Variants in EYS observed in about 807,000 individuals in gnomAD.
EYS encodes protein eyes shut homolog.
In EYS, 250 loss-of-function variants were observed where a neutral mutation model predicts 282.1. The ratio of observed to expected loss-of-function variants is 0.89; its 90% CI spans 0.80 to 0.98. The LOEUF is 0.98. EYS is among the 50% of genes least tolerant of loss of function. The pLI, the probability that EYS is intolerant of heterozygous loss-of-function variation, is 0.00. For synonymous variants in EYS, 1,355 were observed against 1,282.9 expected (o/e 1.06, Z -1.20); for missense variants, 4,016 against 3,709.0 (o/e 1.08, Z -2.15).
intron 11 of EYS, among the ~76,000 whole-genome samples, chr6:65,333,835 A>AT (rs1468548697): frequency 1.3e-5 from 2 of 150,734 alleles, no homozygotes; most frequent in Non-Finnish European, 3.0e-5. Flanking sequence ...TAACTGTTTC[A>AT]TTTTTTCTCT....
intron 32 of EYS, among the ~76,000 whole-genome samples, chr6:64,067,245 G>A (rs1771405811): frequency 6.6e-6 from 1 of 152,088 alleles, no homozygotes; most frequent in Admixed American, 6.6e-5. Context: ...CCTAATTGAA[G>A]TATAACTTGT....
chr6:65,491,621 T>C (rs1323514984), intron 4 of EYS: 2 of 405,090 alleles, frequency 4.9e-6, no homozygotes, highest in Admixed American at 3.0e-5. Flanking sequence ...ATAATGAAAA[T>C]ATAAATAAAA....
At chr6:65,360,798 G>T (rs1054881882) in intron 8 of EYS, among the ~76,000 whole-genome samples, 2 of 152,120 alleles carry the variant, frequency 1.3e-5, no homozygotes, top group Non-Finnish European at 2.9e-5. Flanking sequence ...ATCCCATTTA[G>T]TGTAGTCACT....
At chr6:65,379,077 C>T (rs1269226228) in intron 8 of EYS, among the ~76,000 whole-genome samples, 4 of 151,024 alleles carry the variant, frequency 2.6e-5, no homozygotes, top group African/African-American at 9.7e-5. Flanking sequence ...TAAAATAAAA[C>T]AGAAAAAAAA....
At chr6:65,590,888 A>C (rs544344760) in intron 2 of EYS, among the ~76,000 whole-genome samples, 1 of 151,626 alleles carries the variant, frequency 6.6e-6, no homozygotes, top group African/African-American at 2.4e-5. Context: ...CAGTTGATGG[A>C]CACTTAGATT....
At chr6:64,872,298 AT>A (rs1215466725) in intron 19 of EYS, among the ~76,000 whole-genome samples, 1 of 152,084 alleles carries the variant, frequency 6.6e-6, no homozygotes, top group East Asian at 1.9e-4. Flanking sequence ...TAACTTATAA[AT>A]ATTATCTCAC....
chr6:65,616,033 G>T (rs566653802), intron 2 of EYS, among the ~76,000 whole-genome samples: 4 of 151,764 alleles, frequency 2.6e-5, no homozygotes, highest in South Asian at 2.1e-4. Flanking sequence ...TCAAGAGTTA[G>T]AAGAACATGT....
intron 12 of EYS, among the ~76,000 whole-genome samples, chr6:65,213,574 T>G (rs1766229722): frequency 6.6e-6 from 1 of 152,176 alleles, no homozygotes; most frequent in African/African-American, 2.4e-5. Flanking sequence ...TGATGCTCTG[T>G]GTTCAGCGAT....
intron 11 of EYS, among the ~76,000 whole-genome samples, chr6:65,315,990 T>G (rs1157407394): frequency 6.6e-6 from 1 of 152,170 alleles, no homozygotes; most frequent in Non-Finnish European, 1.5e-5. Flanking sequence ...GAGGTTTTAA[T>G]TTGCATTTCT....
At chr6:65,048,441 C>T (rs1470677198) in intron 13 of EYS, among the ~76,000 whole-genome samples, 1 of 151,782 alleles carries the variant, frequency 6.6e-6, no homozygotes, top group Non-Finnish European at 1.5e-5. Context: ...TGGAACTCTC[C>T]CATCTTTTGT....
At chr6:64,739,728 T>C (rs12661888) in intron 22 of EYS, among the ~76,000 whole-genome samples, 15,341 of 152,154 alleles carry the variant, frequency 0.1, 1,027 homozygotes, top group East Asian at 0.24. Flanking sequence ...CACAAAATTC[T>C]GTAAGGACCT....
chr6:65,573,172 T>C (rs1764537972), intron 2 of EYS, among the ~76,000 whole-genome samples: 1 of 152,114 alleles, frequency 6.6e-6, no homozygotes, highest in African/African-American at 2.4e-5. Context: ...TATAGACAGC[T>C]ATTCAAAATC....
chr6:65,463,416 C>G (rs1000999594), intron 5 of EYS, among the ~76,000 whole-genome samples: 1 of 152,212 alleles, frequency 6.6e-6, no homozygotes, highest in Middle Eastern at 3.4e-3. Context: ...AACCTATTCT[C>G]TTAGCATTTG....
chr6:65,447,310 GTGTGTGTATATATA>G (rs1163193917), intron 5 of EYS, among the ~76,000 whole-genome samples: 43 of 127,410 alleles, frequency 3.4e-4, no homozygotes, highest in Admixed American at 3.0e-3. Flanking sequence ...CTCTCTCTGT[GTGTGTGTATATATA>G]TGTGTGTGTA....
At chr6:64,829,297 A>C (rs1333895535) in intron 19 of EYS, among the ~76,000 whole-genome samples, 2 of 152,014 alleles carry the variant, frequency 1.3e-5, no homozygotes, top group African/African-American at 4.8e-5. Context: ...AGGCATGAAT[A>C]GAGTAGCTAG....
chr6:65,519,574 A>C (rs1348218061), intron 2 of EYS, among the ~76,000 whole-genome samples: 1 of 148,160 alleles, frequency 6.7e-6, no homozygotes, highest in African/African-American at 2.5e-5. Flanking sequence ...TGAGTGAATA[A>C]GATATTTTTC....
rs548597877 is a variant in EYS, at chr6:64,901,836, C to A, written c.2846+277G>T. Among the ~76,000 whole-genome samples, 27 of 152,246 alleles carry A rather than the reference C, an allele frequency of 1.8e-4. No individual in the cohort carries two copies. The South Asian group carries it at 5.4e-3, about 30-fold the overall frequency. ...TCAACAACAATTTCGGGAGACTCTA[C>A]ACAATATTGTTTTGCTTATAATAAC... On this transcript the variant is annotated intron_variant, in intron 18 of 42. Coordinates refer to ENST00000503581, the MANE Select transcript of EYS (RefSeq NM_001142800.2).
chr6:64,686,549 G>A (rs142866657), intron 22 of EYS, among the ~76,000 whole-genome samples: 1,999 of 150,502 alleles, frequency 0.013, 48 homozygotes, highest in African/African-American at 0.046. Context: ...AGACCATCCT[G>A]GTTAATGCGG....
At chr6:64,990,603 C>T (rs1322964276) in intron 14 of EYS, among the ~76,000 whole-genome samples, 1 of 151,534 alleles carries the variant, frequency 6.6e-6, no homozygotes, top group African/African-American at 2.4e-5. Context: ...TAGATAATTT[C>T]TGGAAAGTGC....
Sources: allele counts gnomAD v4.1 joint callset (sites outside exome capture counted in the v4.1 genomes callset), GRCh38; gene constraint gnomAD v4.1.1; transcripts MANE v1.5; gene names NCBI Gene and HGNC (gene_info 2026-07-23, HGNC 2026-07-21).